DGKE: variants seen among roughly 807,000 people sequenced by gnomAD.
The protein encoded by DGKE is diacylglycerol kinase epsilon, also known as DAG kinase epsilon.
DGKE carries 53 observed loss-of-function variants against 70.0 expected under a neutral mutation model. The ratio of observed to expected loss-of-function variants is 0.76; its 90% CI spans 0.61 to 0.95. DGKE has a LOEUF of 0.95. Among genes scored for constraint, DGKE ranks in the 40% least tolerant of loss-of-function variants. DGKE has a pLI of 0.00. For synonymous variants in DGKE, 291 were observed against 257.0 expected, an observed-to-expected ratio of 1.13 and a Z score of -1.27; for missense variants, 655 against 706.9, an observed-to-expected ratio of 0.93 and a Z score of 0.83.
At chr17:56,837,929 TTGTC>T (rs540036035) in intron 2 of DGKE, among the ~76,000 whole-genome samples, 47 of 152,326 alleles carry the variant, frequency 3.1e-4, no homozygotes, top group Middle Eastern at 3.4e-3. Context: ...AGAGTCTACT[TTGTC>T]TGTAGATTTT....
chr17:56,840,790 AG>A (rs948803101), intron 2 of DGKE, among the ~76,000 whole-genome samples: 17 of 151,694 alleles, frequency 1.1e-4, no homozygotes, highest in Non-Finnish European at 1.6e-4. Flanking sequence ...CTGAACTGGG[AG>A]GGGGGGGAAT....
In DGKE at chr17:56,856,725, C is replaced by T. The variant is rs1156681922; in HGVS notation, c.1212+100C>T. On this transcript the variant is annotated intron_variant, in intron 8 of 11. Transcript: ENST00000284061. Reference sequence around the variant, plus strand: ...CACTCCTAGATTCAGATTTAACTAACTTACAGAAATATTTACCTGCTCTGT... The same window carrying T: ...CACTCCTAGATTCAGATTTAACTAATTTACAGAAATATTTACCTGCTCTGT... 2.2e-6 allele frequency: 3 copies of T among 1,374,668 alleles called. No individual in the cohort carries two copies. The East Asian group carries it at 7.8e-5, about 36-fold the overall frequency. 85.2% of individuals were successfully genotyped at this position (1,374,668 alleles called of 1,614,324 possible). A position where few individuals can be genotyped will look rare whatever the true frequency, so the allele number is the denominator to read the frequency against.
At position 56,863,698 on chromosome 17, in the gene DGKE, T is replaced by C. The variant is rs2144306384; in HGVS notation, c.*907T>C. The C allele has an allele frequency of 6.6e-6, 1 of 152,370 alleles. No homozygotes were observed. Among genetic ancestry groups the C allele is most frequent in the East Asian group, 1.9e-4 (1 of 5,196 alleles). The allele number at this position is 152,370 out of a possible 1,614,324, so 9.4% of individuals were successfully genotyped here. ...AAAAATTTGGTGGTCTTGTAGTATT[T>C]TGAAATACAGTAGTCTTTTAACAGA... On this transcript the variant is annotated 3_prime_UTR_variant, in exon 12 of 12. Transcript: ENST00000284061.
rs1219865891 is a variant in DGKE at position 56,852,579 on chromosome 17, T to A, written c.1098+3347T>A. Among the ~76,000 whole-genome samples the A allele has an allele frequency of 5.3e-5, 8 of 151,384 alleles. No homozygotes were observed. The Admixed American group carries it at 5.3e-4, about 10-fold the overall frequency. On this transcript the variant is annotated intron_variant, in intron 7 of 11. Transcript: ENST00000284061. ...TTGAAGCCTTGTAGAACTATATAGC[T>A]TATTAAAGTGGATTGCTTTGATTTA...
intron 2 of DGKE, among the ~76,000 whole-genome samples, chr17:56,843,314 A>G (rs532791572): frequency 6.6e-6 from 1 of 152,182 alleles, no homozygotes; most frequent in Non-Finnish European, 1.5e-5. Flanking sequence ...AAATTTTTGC[A>G]CATTTCTTTC....
chr17:56,855,330 G>C (rs556709731), intron 7 of DGKE, among the ~76,000 whole-genome samples: 1 of 152,294 alleles, frequency 6.6e-6, no homozygotes, highest in Admixed American at 6.5e-5. Context: ...TCAAAAGGAG[G>C]AAGAGCGTCT....
intron 11 of DGKE, 42 bp downstream of exon 11, chr17:56,862,293 C>G: frequency 6.5e-7 from 1 of 1,534,892 alleles, no homozygotes; most frequent in Non-Finnish European, 9.0e-7. Flanking sequence ...TGTCCCAATC[C>G]AATTCTAAGC....
chr17:56,844,766 GT>G (rs1907185625), intron 3 of DGKE, among the ~76,000 whole-genome samples: 1 of 152,120 alleles, frequency 6.6e-6, no homozygotes, highest in Non-Finnish European at 1.5e-5. Context: ...CCTGTTAACA[GT>G]TTATAGATGT....
chr17:56,848,820 A>G lies in DGKE; in HGVS notation c.1013A>G (p.Asn338Ser), dbSNP rs371285031. 2.3e-5 allele frequency: 37 copies of G among 1,614,074 alleles called. No homozygotes were observed. Among genetic ancestry groups the G allele is most frequent in the Non-Finnish European group, 3.1e-5 (37 of 1,180,032 alleles). ...GEIPVAQVLR[N>S]VMEADGIKLD... is the part of the protein sequence containing the mutation. ...ATTCCAGTTGCGCAGGTTTTGCGAA[A>G]TGTAATGGAAGCAGATGGAATTAAA... The change falls in exon 6 of 12, where the codon AAT becomes AGT. Residue 338 changes from asparagine (N) to serine (S), a missense_variant. Transcript: ENST00000284061.
Position 56,866,868 on chromosome 17 carries a change from T to C in DGKE, c.*4077T>C, listed in dbSNP as rs1424964772. On this transcript the variant is annotated 3_prime_UTR_variant, in exon 12 of 12. Coordinates refer to ENST00000284061, the MANE Select transcript of DGKE (RefSeq NM_003647.3). ...TTGAAAGCCACTACTATAATGACTTTGTCACCTAATTGATTTTCTACTAAT... is the reference window on the plus strand; with the variant it reads ...TTGAAAGCCACTACTATAATGACTTCGTCACCTAATTGATTTTCTACTAAT... The C allele has an allele frequency of 6.6e-6, 1 of 152,262 alleles. No homozygotes were observed. Among genetic ancestry groups the C allele is most frequent in the Admixed American group, 6.5e-5 (1 of 15,286 alleles). 9.4% of individuals were successfully genotyped at this position (152,262 alleles called of 1,614,324 possible).
intron 2 of DGKE, 30 bp downstream of exon 2, chr17:56,835,289 A>G: frequency 1.9e-6 from 3 of 1,574,438 alleles, no homozygotes; most frequent in Non-Finnish European, 8.6e-7. Flanking sequence ...TCACTGTCCC[A>G]GAATGCGCCG....
chr17:56,835,627 CT>C, intron 2 of DGKE: 1 of 343,806 alleles, frequency 2.9e-6, no homozygotes, highest in Non-Finnish European at 5.2e-6. Flanking sequence ...GACAAATTAA[CT>C]TTTCCCTTCA....
In DGKE at chr17:56,863,729, C is replaced by CCCTTAGGGA. The variant is rs1908418069; in HGVS notation, c.*939_*947dup. ...TACAGTAGTCTTTTAACAGAATTTCCCCTTAGGGAGGTAAGTGGACAGAAA... is the reference window on the plus strand; with the variant it reads ...TACAGTAGTCTTTTAACAGAATTTCCCCTTAGGGACCTTAGGGAGGTAAGTGGACAGAAA... On this transcript the variant is annotated 3_prime_UTR_variant, in exon 12 of 12. Transcript: ENST00000284061. The CCCTTAGGGA allele has an allele frequency of 6.6e-6, 1 of 152,080 alleles. No individual in the cohort carries two copies. The highest frequency in any genetic ancestry group is 2.1e-4 in the South Asian group (1 of 4,832). The allele number at this position is 152,080 out of a possible 1,614,324, so 9.4% of individuals were successfully genotyped here. A position where few individuals can be genotyped will look rare whatever the true frequency, so the allele number is the denominator to read the frequency against.
Position 56,835,011 on chromosome 17 carries a change from C to T in DGKE, c.216C>T (p.Thr72=), listed in dbSNP as rs1906499892. ...WRDTDLFSQP[T]YCCVCAQHIL... ...ACACGGACCTGTTCAGCCAGCCCACCTACTGCTGCGTGTGCGCGCAGCACA... is the reference window on the plus strand; with the variant it reads ...ACACGGACCTGTTCAGCCAGCCCACTTACTGCTGCGTGTGCGCGCAGCACA... Residue 72 remains threonine, a synonymous_variant, in exon 2 of 12, where the codon ACC becomes ACT. Coordinates refer to ENST00000284061, the MANE Select transcript of DGKE (RefSeq NM_003647.3). 6.2e-7 allele frequency: 1 copy of T among 1,612,716 alleles called. No homozygotes were observed. The highest frequency in any genetic ancestry group is 8.5e-7 in the Non-Finnish European group (1 of 1,180,030).
rs1281033256 is a variant in DGKE, at chr17:56,865,560, T to C, written c.*2769T>C. On this transcript the variant is annotated 3_prime_UTR_variant, in exon 12 of 12. Coordinates refer to ENST00000284061, the MANE Select transcript of DGKE (RefSeq NM_003647.3). ...TAAAGTTACATGATTTAGGTGTGTT[T>C]TAGGTTTTCTGCAACAATTAGCTGT... is the stretch of plus-strand genomic sequence containing the variant. The C allele has an allele frequency of 1.3e-5, 2 of 152,150 alleles. No individual in the cohort carries two copies. Among genetic ancestry groups the C allele is most frequent in the East Asian group, 1.9e-4 (1 of 5,206 alleles). 9.4% of individuals were successfully genotyped at this position (152,150 alleles called of 1,614,324 possible). A position where few individuals can be genotyped will look rare whatever the true frequency, so the allele number is the denominator to read the frequency against.
In DGKE at chr17:56,865,682, G is replaced by A. The variant is rs575350882; in HGVS notation, c.*2891G>A. ...GTCAAAAACATATAGTGTTTGCTTT[G>A]TGAAATACATTTGCTTAGAGTTATA... On this transcript the variant is annotated 3_prime_UTR_variant, in exon 12 of 12. Transcript: ENST00000284061. 1 of 152,002 alleles carries A rather than the reference G, an allele frequency of 6.6e-6. No individual in the cohort carries two copies. The highest frequency in any genetic ancestry group is 1.9e-4 in the East Asian group (1 of 5,186). 9.4% of individuals were successfully genotyped at this position (152,002 alleles called of 1,614,324 possible).
chr17:56,849,153 G>A, intron 6 of DGKE, 28 bp from the exon 7 acceptor site: 1 of 1,592,800 alleles, frequency 6.3e-7, no homozygotes. Flanking sequence ...TGTAAAACGT[G>A]CTGTTTTTTT....
intron 5 of DGKE, among the ~76,000 whole-genome samples, chr17:56,848,325 T>C (rs1239411327): frequency 6.6e-6 from 1 of 151,982 alleles, no homozygotes; most frequent in Admixed American, 6.6e-5. Context: ...GCCTGGCTAA[T>C]TTTTGTATTT....
At chr17:56,861,978 T>G (rs1908321770) in intron 10 of DGKE, 60 bp downstream of exon 10, 1 of 1,549,560 alleles carries the variant, frequency 6.5e-7, no homozygotes, top group South Asian at 1.3e-5. Flanking sequence ...AATCTCTTGT[T>G]TATAGACTTT....
Sources: allele counts gnomAD v4.1 joint callset (sites outside exome capture counted in the v4.1 genomes callset), GRCh38; gene constraint gnomAD v4.1.1; transcripts MANE v1.5; gene names NCBI Gene and HGNC (gene_info 2026-07-23, HGNC 2026-07-21).